The following RPS6KC1 variants were observed in gnomAD, a reference collection of about 807,000 sequenced individuals.
RPS6KC1 encodes the protein ribosomal protein S6 kinase C1, also known as inactive ribosomal protein S6 kinase delta-1.
In RPS6KC1, 54 loss-of-function variants were observed where a neutral mutation model predicts 103.8. The ratio of observed to expected loss-of-function variants is 0.52; its 90% CI spans 0.42 to 0.65. RPS6KC1 has a LOEUF of 0.65. Among genes scored for constraint, RPS6KC1 ranks in the 30% least tolerant of loss-of-function variants. The pLI is 0.00. For missense variants in RPS6KC1, 1,151 were observed against 1,253.8 expected (o/e 0.92, Z 1.24); for synonymous variants, 439 against 438.7 (o/e 1.00, Z -0.01).
chr1:213,602,120 C>CTTTCTTTCTTTCTTTGTTCTT, the RPS6KC1 span, among the ~76,000 whole-genome samples: 7 of 5,156 alleles, frequency 1.4e-3, 3 homozygotes, highest in South Asian at 9.4e-3. Flanking sequence ...TTCTTTCTTT[C>CTTTCTTTCTTTCTTTGTTCTT]TCTTTCTTTC....
chr1:213,523,218 T>A, the RPS6KC1 span, among the ~76,000 whole-genome samples: 1 of 152,214 alleles, frequency 6.6e-6, no homozygotes, highest in African/African-American at 2.4e-5. Context: ...ACACACACAA[T>A]TTTTATGGAT....
intron 8 of RPS6KC1, among the ~76,000 whole-genome samples, chr1:213,182,306 A>G (rs1401309607): frequency 1.3e-5 from 2 of 152,178 alleles, no homozygotes; most frequent in Non-Finnish European, 2.9e-5. Context: ...AGCCTGGCCA[A>G]CATGGTGAAA....
the RPS6KC1 span, among the ~76,000 whole-genome samples, chr1:213,582,826 C>A: frequency 6.6e-6 from 1 of 152,170 alleles, no homozygotes; most frequent in African/African-American, 2.4e-5. Context: ...TGGGTTTTGA[C>A]AAATGTATGC....
intron 10 of RPS6KC1, among the ~76,000 whole-genome samples, chr1:213,233,404 C>T (rs1202139107): frequency 2.6e-5 from 4 of 152,046 alleles, no homozygotes; most frequent in Admixed American, 2.6e-4. Context: ...CATCTGATAG[C>T]GAAATACAGC....
At chr1:213,462,388 C>T in the RPS6KC1 span, among the ~76,000 whole-genome samples, 2 of 152,128 alleles carry the variant, frequency 1.3e-5, no homozygotes, top group African/African-American at 4.8e-5. Context: ...TACCGTTTGA[C>T]CCAGCAATCC....
chr1:213,125,097 A>G (rs2084822968), intron 5 of RPS6KC1, among the ~76,000 whole-genome samples: 1 of 152,086 alleles, frequency 6.6e-6, no homozygotes, highest in African/African-American at 2.4e-5. Context: ...GATATCTTTC[A>G]GATACTGAAC....
the RPS6KC1 span, among the ~76,000 whole-genome samples, chr1:213,309,227 G>A: frequency 6.6e-6 from 1 of 152,102 alleles, no homozygotes; most frequent in Non-Finnish European, 1.5e-5. Flanking sequence ...CCTGGGAGGC[G>A]GAGGTTGCAG....
chr1:213,681,732 A>G, the RPS6KC1 span, among the ~76,000 whole-genome samples: 2 of 152,130 alleles, frequency 1.3e-5, no homozygotes, highest in Admixed American at 1.3e-4. Flanking sequence ...TGGGAGTTTG[A>G]GGTTACAGTG....
chr1:213,596,990 A>G, the RPS6KC1 span, among the ~76,000 whole-genome samples: 5 of 152,248 alleles, frequency 3.3e-5, no homozygotes, highest in African/African-American at 1.2e-4. Context: ...AAGGGCAGCC[A>G]AAGCCACTGT....
At chr1:213,247,773 T>C (rs1167244280) in intron 12 of RPS6KC1, among the ~76,000 whole-genome samples, 1 of 152,182 alleles carries the variant, frequency 6.6e-6, no homozygotes, top group East Asian at 1.9e-4. Flanking sequence ...ACACAAAATG[T>C]ACTCAAAATT....
chr1:213,109,159 C>T (rs565921293), intron 4 of RPS6KC1, among the ~76,000 whole-genome samples: 144 of 152,194 alleles, frequency 9.5e-4, no homozygotes, highest in African/African-American at 3.2e-3. Flanking sequence ...CTTTTTGAGA[C>T]GGGGTCTCGC....
chr1:213,733,288 G>A, the RPS6KC1 span, among the ~76,000 whole-genome samples: 2 of 150,104 alleles, frequency 1.3e-5, no homozygotes, highest in African/African-American at 4.9e-5. Context: ...CACCCAGGCT[G>A]CAGTACAGTG....
At chr1:213,601,996 C>CTT in the RPS6KC1 span, among the ~76,000 whole-genome samples, 1 of 14,784 alleles carries the variant, frequency 6.8e-5, no homozygotes, top group Non-Finnish European at 1.6e-4. Context: ...CTCTTTCTTT[C>CTT]TTTTCTTTTC....
At chr1:213,794,744 CG>C in the RPS6KC1 span, among the ~76,000 whole-genome samples, 1 of 152,136 alleles carries the variant, frequency 6.6e-6, no homozygotes, top group Non-Finnish European at 1.5e-5. Context: ...TTGTCTTGCC[CG>C]GGGAGAATAG....
the RPS6KC1 span, among the ~76,000 whole-genome samples, chr1:213,586,862 C>G: frequency 6.6e-6 from 1 of 152,174 alleles, no homozygotes; most frequent in Non-Finnish European, 1.5e-5. Context: ...CTTATTGACC[C>G]ACTTCACATT....
chr1:213,100,770 C>CT (rs34415409), intron 3 of RPS6KC1, among the ~76,000 whole-genome samples: 3 of 152,116 alleles, frequency 2.0e-5, no homozygotes, highest in African/African-American at 7.2e-5. Context: ...TTATTTCATT[C>CT]TTTTTTATGG....
chr1:213,687,873 T>G, the RPS6KC1 span, among the ~76,000 whole-genome samples: 1 of 152,206 alleles, frequency 6.6e-6, no homozygotes, highest in Non-Finnish European at 1.5e-5. Context: ...GCTCTTTGAA[T>G]TTTTAGTTCT....
the RPS6KC1 span, among the ~76,000 whole-genome samples, chr1:213,564,080 A>G: frequency 1.3e-5 from 2 of 151,166 alleles, no homozygotes; most frequent in South Asian, 4.2e-4. Flanking sequence ...GAATTCTCAG[A>G]TTTTAATTGT....
the RPS6KC1 span, among the ~76,000 whole-genome samples, chr1:213,472,883 A>C: frequency 3.5e-4 from 53 of 152,300 alleles, no homozygotes; most frequent in African/African-American, 1.2e-3. Flanking sequence ...CTGATGTGTG[A>C]CTCTAAAGTT....
Sources: gnomAD v4.1 joint callset for allele counts (sites outside exome capture counted in the v4.1 genomes callset) on GRCh38, gnomAD v4.1.1 for gene constraint, MANE v1.5 for transcripts, NCBI Gene and HGNC (gene_info 2026-07-23, HGNC 2026-07-21) for gene names.